Variants in PPM1L observed in about 807,000 individuals in gnomAD.
PPM1L encodes the protein protein phosphatase, Mg2+/Mn2+ dependent 1L.
PPM1L carries 13 observed loss-of-function variants against 31.4 expected under a neutral mutation model. The observed-to-expected ratio is 0.41, with a 90% CI of 0.27 to 0.66. The LOEUF (loss-of-function observed/expected upper bound fraction) is 0.66. PPM1L is among the 30% of genes least tolerant of loss of function. The pLI is 0.29. For missense variants in PPM1L, 326 were observed against 453.7 expected, an observed-to-expected ratio of 0.72 and a Z score of 2.56; for synonymous variants, 184 against 175.4, an observed-to-expected ratio of 1.05 and a Z score of -0.39.
At chr3:160,845,624 G>A (rs1420415061) in intron 1 of PPM1L, among the ~76,000 whole-genome samples, 5 of 151,928 alleles carry the variant, frequency 3.3e-5, no homozygotes, top group Non-Finnish European at 5.9e-5. Flanking sequence ...AAGTTGTATA[G>A]TTTTTGCTGA....
At chr3:161,061,660 G>T (rs972195266) in intron 2 of PPM1L, among the ~76,000 whole-genome samples, 2 of 152,112 alleles carry the variant, frequency 1.3e-5, no homozygotes, top group African/African-American at 4.8e-5. Flanking sequence ...ATCTAGAGAT[G>T]ACTTAAAGTA....
intron 1 of PPM1L, among the ~76,000 whole-genome samples, chr3:160,814,861 A>C (rs1019785745): frequency 1.3e-5 from 2 of 152,046 alleles, no homozygotes; most frequent in Admixed American, 1.3e-4. Context: ...AGCAACTTGG[A>C]TGGAGTTGGA....
intron 2 of PPM1L, among the ~76,000 whole-genome samples, chr3:160,985,208 G>C (rs903857959): frequency 2.0e-5 from 3 of 152,088 alleles, no homozygotes; most frequent in African/African-American, 7.2e-5. Context: ...GGGAACAGAT[G>C]GTGTTTTGTT....
chr3:160,796,429 C>T (rs1576641447), intron 1 of PPM1L, among the ~76,000 whole-genome samples: 1 of 152,202 alleles, frequency 6.6e-6, no homozygotes, highest in East Asian at 1.9e-4. Flanking sequence ...GTATCTCTTA[C>T]ATCAGATAGC....
intron 2 of PPM1L, among the ~76,000 whole-genome samples, chr3:160,982,482 AT>A (rs1296642308): frequency 6.6e-6 from 1 of 152,146 alleles, no homozygotes; most frequent in Non-Finnish European, 1.5e-5. Context: ...GTGTTCTAAA[AT>A]TTATCACATT....
At chr3:161,046,955 T>A (rs1719100298) in intron 2 of PPM1L, among the ~76,000 whole-genome samples, 1 of 152,108 alleles carries the variant, frequency 6.6e-6, no homozygotes, top group African/African-American at 2.4e-5. Context: ...TAATAAGAGC[T>A]ACTTATGACA....
At position 160,843,426 on chromosome 3, in the gene PPM1L, TTATATATATATATATATATATA is replaced by T. The variant is rs55994031; in HGVS notation, c.399+86741_399+86762del. Among the ~76,000 whole-genome samples, 145 of 47,540 alleles carry T rather than the reference TTATATATATATATATATATATA, an allele frequency of 3.1e-3. 6 individuals are homozygous for T. Among genetic ancestry groups the T allele is most frequent in the East Asian group, 0.02 (13 of 646 alleles). 31.2% of individuals were successfully genotyped at this position (47,540 alleles called of 152,430 possible). ...TTTTTGTGTGTGTATGGCAATTCTT[TTATATATATATATATATATATA>T]TATATATATATATATATATATGTTT... On this transcript the variant is annotated intron_variant, in intron 1 of 3. Transcript: ENST00000498165.
At chr3:161,051,618 G>A (rs963960377) in intron 2 of PPM1L, among the ~76,000 whole-genome samples, 1 of 152,046 alleles carries the variant, frequency 6.6e-6, no homozygotes, top group African/African-American at 2.4e-5. Context: ...TAGCTTTAGA[G>A]TCAGTTTTAT....
At chr3:160,761,945 C>T (rs984018162) in intron 1 of PPM1L, among the ~76,000 whole-genome samples, 1 of 152,148 alleles carries the variant, frequency 6.6e-6, no homozygotes, top group Admixed American at 6.5e-5. Context: ...TTCAAATTAC[C>T]TCTCACTGGG....
At chr3:160,830,162 T>A (rs1416932619) in intron 1 of PPM1L, among the ~76,000 whole-genome samples, 1 of 152,190 alleles carries the variant, frequency 6.6e-6, no homozygotes, top group Non-Finnish European at 1.5e-5. Context: ...GATTTTCTAT[T>A]GTTACCATCC....
Position 161,025,577 on chromosome 3 carries a change from GAA to G in PPM1L, c.575-39810_575-39809del, listed in dbSNP as rs35588038. ...ACACAGCAAGACCTCATTTGTAAAT[GAA>G]AAAAAAAAAAAAAAAGAGTCTCATG... On this transcript the variant is annotated intron_variant, in intron 2 of 3. Transcript: ENST00000498165. Among the ~76,000 whole-genome samples the G allele has an allele frequency of 1.9e-3, 248 of 128,480 alleles. 1 individual carries two copies. Among genetic ancestry groups the G allele is most frequent in the East Asian group, 8.6e-3 (40 of 4,674 alleles). 84.3% of individuals were successfully genotyped at this position (128,480 alleles called of 152,430 possible). A position where few individuals can be genotyped will look rare whatever the true frequency, so the allele number is the denominator to read the frequency against.
intron 2 of PPM1L, among the ~76,000 whole-genome samples, chr3:161,019,130 A>C (rs938851021): frequency 6.6e-6 from 1 of 152,180 alleles, no homozygotes; most frequent in Non-Finnish European, 1.5e-5. Context: ...AATACTATAG[A>C]TGATGCTCAA....
intron 2 of PPM1L, among the ~76,000 whole-genome samples, chr3:160,987,047 T>C (rs1466202614): frequency 6.6e-6 from 1 of 152,230 alleles, no homozygotes; most frequent in Non-Finnish European, 1.5e-5. Flanking sequence ...CATAAGAACC[T>C]GAGCTGTAAT....
At chr3:161,021,819 G>A (rs533915391) in intron 2 of PPM1L, among the ~76,000 whole-genome samples, 8 of 151,634 alleles carry the variant, frequency 5.3e-5, no homozygotes, top group East Asian at 3.9e-4. Flanking sequence ...TCTGATATTC[G>A]TAAAGCTACT....
chr3:160,817,587 G>T (rs898578623), intron 1 of PPM1L, among the ~76,000 whole-genome samples: 17 of 151,978 alleles, frequency 1.1e-4, no homozygotes, highest in African/African-American at 4.1e-4. Context: ...TTCTTTAATT[G>T]CTTTTCTATT....
At chr3:160,890,013 T>A (rs997645062) in intron 1 of PPM1L, among the ~76,000 whole-genome samples, 7 of 152,104 alleles carry the variant, frequency 4.6e-5, no homozygotes, top group African/African-American at 1.7e-4. Context: ...ATAAGAGCAA[T>A]TTATGACAAA....
At chr3:160,969,227 C>T (rs1716245653) in intron 2 of PPM1L, among the ~76,000 whole-genome samples, 3 of 152,186 alleles carry the variant, frequency 2.0e-5, no homozygotes, top group Admixed American at 2.0e-4. Flanking sequence ...GTGGTGAAGA[C>T]ACACCAAGCA....
At chr3:161,030,452 T>A (rs1238931519) in intron 2 of PPM1L, among the ~76,000 whole-genome samples, 1 of 152,208 alleles carries the variant, frequency 6.6e-6, no homozygotes, top group Non-Finnish European at 1.5e-5. Context: ...AGGACCTAGA[T>A]CTTGGACTTC....
intron 1 of PPM1L, among the ~76,000 whole-genome samples, chr3:160,927,022 A>G (rs1212223357): frequency 6.6e-6 from 1 of 152,214 alleles, no homozygotes; most frequent in Non-Finnish European, 1.5e-5. Context: ...AGAAAGTCAG[A>G]CTTGTTAGGT....
Sources: allele counts gnomAD v4.1 joint callset (sites outside exome capture counted in the v4.1 genomes callset), GRCh38; gene constraint gnomAD v4.1.1; transcripts MANE v1.5; gene names NCBI Gene and HGNC (gene_info 2026-07-23, HGNC 2026-07-21).